The following SGO2 variants were observed in gnomAD, a reference collection of about 807,000 sequenced individuals.
SGO2 encodes the protein shugoshin-like 2.
A neutral mutation model predicts 99.5 loss-of-function variants in SGO2; 68 were observed. The ratio of observed to expected loss-of-function variants is 0.68; its 90% CI spans 0.56 to 0.84. SGO2 has a LOEUF of 0.84. Among genes scored for constraint, SGO2 ranks in the 40% least tolerant of loss-of-function variants. The pLI, the probability that SGO2 is intolerant of heterozygous loss-of-function variation, is 0.00. For synonymous variants in SGO2, 457 were observed against 487.1 expected (o/e 0.94, Z 0.81); for missense variants, 1,350 against 1,436.7 (o/e 0.94, Z 0.97).
Position 200,569,771 on chromosome 2 carries a change from A to G in SGO2, c.582A>G (p.Thr194=), listed in dbSNP as rs2033327758. The change falls in exon 6 of 9, where the codon ACA becomes ACG. Residue 194 remains threonine (T), a synonymous_variant. Coordinates refer to ENST00000357799, the MANE Select transcript of SGO2 (RefSeq NM_152524.6). ...CTGATATTCCCTCTTCAGGATCAAC[A>G]ACACAACCTTTATCAACTCAGGATA... The part of the protein sequence containing the change: ...TLPDIPSSGS[T]TQPLSTQDNS... 6.2e-7 allele frequency: 1 copy of G among 1,612,468 alleles called. No homozygotes were observed. Among genetic ancestry groups the G allele is most frequent in the Non-Finnish European group, 8.5e-7 (1 of 1,178,790 alleles).
intron 5 of SGO2, among the ~76,000 whole-genome samples, chr2:200,566,586 T>G (rs774023530): frequency 6.6e-6 from 1 of 152,158 alleles, no homozygotes; most frequent in Non-Finnish European, 1.5e-5. Flanking sequence ...GAACGACTAT[T>G]CTCTTCAAAG....
intron 3 of SGO2, among the ~76,000 whole-genome samples, chr2:200,535,490 G>C (rs1435656699): frequency 6.6e-6 from 1 of 152,076 alleles, no homozygotes; most frequent in Non-Finnish European, 1.5e-5. Flanking sequence ...CGGTGTTCTT[G>C]AAAGGAAAGG....
At chr2:200,534,573 TC>T (rs35651732) in intron 2 of SGO2, among the ~76,000 whole-genome samples, 2 of 152,212 alleles carry the variant, frequency 1.3e-5, no homozygotes, top group Non-Finnish European at 2.9e-5. Context: ...TTTAGAATTT[TC>T]CCAGATTGGC....
intron 5 of SGO2, among the ~76,000 whole-genome samples, chr2:200,546,811 TAC>T (rs1377620316): frequency 5.9e-5 from 9 of 151,818 alleles, no homozygotes; most frequent in East Asian, 1.9e-4. Flanking sequence ...TATTTGAAAA[TAC>T]ACAGTCAGAG....
chr2:200,529,937 CATTT>C (rs1354098011), intron 1 of SGO2, among the ~76,000 whole-genome samples: 1 of 152,182 alleles, frequency 6.6e-6, no homozygotes, highest in Admixed American at 6.5e-5. Context: ...TTCTAAACAG[CATTT>C]ATTCTAAATG....
chr2:200,572,040 C>A lies in SGO2; in HGVS notation c.1694C>A (p.Thr565Lys). 6.2e-7 allele frequency: 1 copy of A among 1,613,342 alleles called. No individual in the cohort carries two copies. Among genetic ancestry groups the A allele is most frequent in the South Asian group, 1.1e-5 (1 of 90,952 alleles). ...KVTIYENLDV[T>K]NEFHTANLST... ...ACCATTTATGAAAACCTAGACGTCACAAATGAATTTCACACAGCCAATCTT... is the reference window on the plus strand; with the variant it reads ...ACCATTTATGAAAACCTAGACGTCAAAAATGAATTTCACACAGCCAATCTT... Residue 565 changes from threonine (T) to lysine (K), a missense_variant, in exon 7 of 9, where the codon ACA becomes AAA. Physicochemically the swap from Thr to Lys is moderately conservative, Grantham distance 78. Transcript: ENST00000357799.
chr2:200,540,846 A>G (rs1464471555), intron 4 of SGO2, among the ~76,000 whole-genome samples: 2 of 152,242 alleles, frequency 1.3e-5, no homozygotes, highest in Non-Finnish European at 2.9e-5. Flanking sequence ...TGCTGCTGCT[A>G]TAACAGAATA....
chr2:200,534,414 T>C (rs1384883554), intron 2 of SGO2, among the ~76,000 whole-genome samples: 1 of 152,122 alleles, frequency 6.6e-6, no homozygotes, highest in Admixed American at 6.5e-5. Context: ...AAATAAGAGG[T>C]AGAATCTTTT....
chr2:200,531,154 G>A (rs1054092949), intron 1 of SGO2, among the ~76,000 whole-genome samples: 2 of 152,148 alleles, frequency 1.3e-5, no homozygotes, highest in Admixed American at 6.5e-5. Context: ...TCCGTATCTA[G>A]GAACACAGTT....
At position 200,573,652 on chromosome 2, in the gene SGO2, C is replaced by A. The variant is rs751691540; in HGVS notation, c.3306C>A (p.Ser1102Arg). The A allele has an allele frequency of 2.5e-6, 4 of 1,612,942 alleles. No homozygotes were observed. The highest frequency in any genetic ancestry group is 2.7e-5 in the African/African-American group (2 of 74,870). Residue 1102 changes from serine to arginine, a missense_variant, in exon 7 of 9, where the codon AGC becomes AGA. Ser to Arg is a moderately radical substitution (Grantham distance 110, BLOSUM62 -1). Coordinates refer to ENST00000357799, the MANE Select transcript of SGO2 (RefSeq NM_152524.6). ...AAGTAATGGAAAGAATACTTGACAGCGTTCAGGGAAAGTCTACTGTATCTG... is the reference window on the plus strand; with the variant it reads ...AAGTAATGGAAAGAATACTTGACAGAGTTCAGGGAAAGTCTACTGTATCTG... The part of the protein sequence containing the change: ...SHEVMERILD[S>R]VQGKSTVSEQ...
chr2:200,532,288 T>G (rs1425556527), intron 1 of SGO2: 20 of 516,312 alleles, frequency 3.9e-5, no homozygotes, highest in African/African-American at 8.8e-5. Context: ...TTTTTTGTTT[T>G]TTTTTTTTTT....
intron 8 of SGO2, among the ~76,000 whole-genome samples, chr2:200,582,801 C>G (rs2033883463): frequency 6.6e-6 from 1 of 151,912 alleles, no homozygotes; most frequent in Non-Finnish European, 1.5e-5. Context: ...CAATCAGACA[C>G]AGAATATAAA....
chr2:200,572,149 C>G lies in SGO2; in HGVS notation c.1803C>G (p.Pro601=), dbSNP rs747385295. The G allele has an allele frequency of 1.9e-6, 3 of 1,612,440 alleles. No homozygotes were observed. The East Asian group carries it at 6.7e-5, about 36-fold the overall frequency. ...DLKKYVTDIQ[P]SEQNESNINK... is the part of the protein sequence containing the mutation. ...AAAAGTATGTCACTGATATTCAACCCTCAGAGCAAAATGAATCAAACATTA... is the reference window on the plus strand; with the variant it reads ...AAAAGTATGTCACTGATATTCAACCGTCAGAGCAAAATGAATCAAACATTA... Residue 601 remains proline, a synonymous_variant, in exon 7 of 9, where the codon CCC becomes CCG. Coordinates refer to ENST00000357799, the MANE Select transcript of SGO2 (RefSeq NM_152524.6).
chr2:200,566,823 C>T (rs537962093), intron 5 of SGO2, among the ~76,000 whole-genome samples: 112 of 152,336 alleles, frequency 7.4e-4, no homozygotes, highest in African/African-American at 2.7e-3. Context: ...CCTCAGACTG[C>T]TGTGCTAGCA....
intron 5 of SGO2, among the ~76,000 whole-genome samples, chr2:200,553,208 C>G (rs2032569755): frequency 6.6e-6 from 1 of 152,110 alleles, no homozygotes; most frequent in African/African-American, 2.4e-5. Flanking sequence ...TAAGGAAGCC[C>G]ATACTGCATT....
At chr2:200,558,652 T>C (rs1473588817) in intron 5 of SGO2, among the ~76,000 whole-genome samples, 1 of 152,020 alleles carries the variant, frequency 6.6e-6, no homozygotes, top group Non-Finnish European at 1.5e-5. Flanking sequence ...GGTTTTTGTA[T>C]TTATAGTATG....
chr2:200,542,212 TA>T (rs2031993916), intron 4 of SGO2, among the ~76,000 whole-genome samples: 1 of 152,170 alleles, frequency 6.6e-6, no homozygotes, highest in African/African-American at 2.4e-5. Context: ...TTTTGAATTT[TA>T]AAAAGCCATT....
chr2:200,535,957 C>T, intron 3 of SGO2, 108 bp from the exon 4 acceptor site: 1 of 597,524 alleles, frequency 1.7e-6, no homozygotes. Flanking sequence ...AATATGATAT[C>T]AACTATTTTT....
chr2:200,545,319 A>G (rs2032163175), intron 5 of SGO2, among the ~76,000 whole-genome samples: 1 of 152,120 alleles, frequency 6.6e-6, no homozygotes, highest in Admixed American at 6.5e-5. Flanking sequence ...TTCTTCGTGT[A>G]TCTTCTACTC....
Sources: allele counts gnomAD v4.1 joint callset (sites outside exome capture counted in the v4.1 genomes callset), GRCh38; gene constraint gnomAD v4.1.1; transcripts MANE v1.5; gene names NCBI Gene and HGNC (gene_info 2026-07-23, HGNC 2026-07-21).